The following NRG3 variants were observed in gnomAD, a reference collection of about 807,000 sequenced individuals.
NRG3 encodes the protein neuregulin 3.
NRG3 carries 31 observed loss-of-function variants against 66.9 expected under a neutral mutation model. The observed-to-expected ratio is 0.46, with a 90% confidence interval of 0.35 to 0.63. The LOEUF is 0.63. NRG3 is among the 20% of genes least tolerant of loss of function. The pLI is 0.00. For synonymous variants in NRG3, 393 were observed against 359.4 expected (o/e 1.09, Z -1.06); for missense variants, 910 against 878.9 (o/e 1.04, Z -0.45).
intron 1 of NRG3, among the ~76,000 whole-genome samples, chr10:81,962,997 C>G (rs972937140): frequency 6.6e-6 from 1 of 152,040 alleles, no homozygotes; most frequent in Non-Finnish European, 1.5e-5. Context: ...ACAGCCTGCT[C>G]AGAGTCAAGG....
chr10:82,227,155 T>G (rs1015237783), intron 1 of NRG3, among the ~76,000 whole-genome samples: 2 of 152,162 alleles, frequency 1.3e-5, no homozygotes, highest in African/African-American at 4.8e-5. Context: ...TTCCACCCAC[T>G]GCAGCTTGTA....
intron 1 of NRG3, among the ~76,000 whole-genome samples, chr10:82,019,317 G>A (rs1366828732): frequency 2.0e-5 from 3 of 152,276 alleles, no homozygotes; most frequent in Middle Eastern, 3.4e-3. Flanking sequence ...GCTTTTTGAT[G>A]TGCTGCTGGA....
intron 5 of NRG3, among the ~76,000 whole-genome samples, chr10:82,956,432 G>A (rs1023492494): frequency 1.3e-5 from 2 of 151,940 alleles, no homozygotes; most frequent in Non-Finnish European, 2.9e-5. Flanking sequence ...GCTTGTGAGA[G>A]AGGAGGGATG....
chr10:82,366,100 C>T (rs977760287), intron 2 of NRG3, among the ~76,000 whole-genome samples: 1 of 152,164 alleles, frequency 6.6e-6, no homozygotes, highest in African/African-American at 2.4e-5. Context: ...CAGCTTTCTA[C>T]TAACTCTGAT....
chr10:82,307,795 T>C (rs2134909624), intron 1 of NRG3, among the ~76,000 whole-genome samples: 1 of 152,146 alleles, frequency 6.6e-6, no homozygotes, highest in South Asian at 2.1e-4. Flanking sequence ...TCTATTTTAA[T>C]TATTTTCCCT....
At chr10:82,114,063 A>G (rs1368984501) in intron 1 of NRG3, among the ~76,000 whole-genome samples, 1 of 152,188 alleles carries the variant, frequency 6.6e-6, no homozygotes, top group Non-Finnish European at 1.5e-5. Flanking sequence ...GACGTTTTAC[A>G]TGAATGGAAT....
chr10:82,665,944 C>T (rs913603722), intron 2 of NRG3, among the ~76,000 whole-genome samples: 1 of 152,284 alleles, frequency 6.6e-6, no homozygotes, highest in South Asian at 2.1e-4. Flanking sequence ...TCACTGCAAC[C>T]TACACCTCCC....
intron 1 of NRG3, among the ~76,000 whole-genome samples, chr10:82,351,340 C>G (rs2083428069): frequency 6.6e-6 from 1 of 152,192 alleles, no homozygotes; most frequent in South Asian, 2.1e-4. Context: ...GAGAAAGATA[C>G]ACCATCCCCA....
At chr10:82,193,476 T>A (rs1175622315) in intron 1 of NRG3, among the ~76,000 whole-genome samples, 1 of 150,648 alleles carries the variant, frequency 6.6e-6, no homozygotes, top group Non-Finnish European at 1.5e-5. Context: ...CTATTCTGAC[T>A]GTTGTATAAA....
intron 4 of NRG3, among the ~76,000 whole-genome samples, chr10:82,934,894 C>T (rs904979600): frequency 6.6e-6 from 1 of 152,144 alleles, no homozygotes; most frequent in African/African-American, 2.4e-5. Flanking sequence ...TGGAAATCAC[C>T]ATACCGTGGG....
At chr10:82,322,374 A>T (rs2135153401) in intron 1 of NRG3, among the ~76,000 whole-genome samples, 1 of 152,172 alleles carries the variant, frequency 6.6e-6, no homozygotes, top group African/African-American at 2.4e-5. Flanking sequence ...AAGAATATGT[A>T]AGTAGGGATT....
At chr10:82,254,685 C>CA (rs1393298331) in intron 1 of NRG3, among the ~76,000 whole-genome samples, 3 of 149,804 alleles carry the variant, frequency 2.0e-5, no homozygotes, top group Admixed American at 6.7e-5. Context: ...AAAACAAAAA[C>CA]AAAAAACTCA....
intron 2 of NRG3, among the ~76,000 whole-genome samples, chr10:82,489,836 A>G (rs532064953): frequency 1.3e-5 from 2 of 152,222 alleles, no homozygotes; most frequent in South Asian, 4.1e-4. Flanking sequence ...CTTAAAAAAA[A>G]GTTTTTGGAT....
At chr10:82,128,104 C>A (rs918229458) in intron 1 of NRG3, among the ~76,000 whole-genome samples, 1 of 151,884 alleles carries the variant, frequency 6.6e-6, no homozygotes, top group African/African-American at 2.4e-5. Flanking sequence ...GCTGTCTAGT[C>A]ATTGGCCTTC....
chr10:82,151,859 G>GACA (rs1361082112), intron 1 of NRG3, among the ~76,000 whole-genome samples: 4 of 152,180 alleles, frequency 2.6e-5, no homozygotes, highest in East Asian at 1.9e-4. Flanking sequence ...CTCACTTGTC[G>GACA]AGGGAGTTTG....
chr10:82,092,194 A>G (rs1452554167), intron 1 of NRG3, among the ~76,000 whole-genome samples: 1 of 152,168 alleles, frequency 6.6e-6, no homozygotes, highest in Non-Finnish European at 1.5e-5. Context: ...ATGGCATCTC[A>G]GGGTCAACAA....
At chr10:82,060,520 C>T (rs1410564779) in intron 1 of NRG3, among the ~76,000 whole-genome samples, 3 of 152,086 alleles carry the variant, frequency 2.0e-5, no homozygotes, top group African/African-American at 7.2e-5. Context: ...CAATAGGGAA[C>T]GTTTTAAGTG....
intron 1 of NRG3, among the ~76,000 whole-genome samples, chr10:82,320,632 TG>T (rs1041404146): frequency 1.3e-5 from 2 of 152,156 alleles, no homozygotes; most frequent in African/African-American, 4.8e-5. Flanking sequence ...CAAAGATGAC[TG>T]GGGTATGTAC....
At chr10:82,802,624 T>C (rs972730212) in intron 3 of NRG3, among the ~76,000 whole-genome samples, 5 of 151,634 alleles carry the variant, frequency 3.3e-5, no homozygotes, top group African/African-American at 1.2e-4. Context: ...ACCCATGGAG[T>C]AGTACTATTT....
Sources: gnomAD v4.1 joint callset for allele counts (sites outside exome capture counted in the v4.1 genomes callset) on GRCh38, gnomAD v4.1.1 for gene constraint, MANE v1.5 for transcripts, NCBI Gene and HGNC (gene_info 2026-07-23, HGNC 2026-07-21) for gene names.